Variants in IGF1 observed in about 807,000 individuals in gnomAD.
IGF1 encodes the protein insulin-like growth factor 1.
A neutral mutation model predicts 13.8 loss-of-function variants in IGF1; 4 were observed. That is an observed-to-expected ratio of 0.29 (90% CI 0.14 to 0.66). The LOEUF is 0.66. IGF1 is among the 30% of genes least tolerant of loss of function. The pLI is 0.78. For synonymous variants in IGF1, 76 were observed against 72.6 expected (o/e 1.05, Z -0.23); for missense variants, 124 against 188.5 (o/e 0.66, Z 2.00).
intron 3 of IGF1, among the ~76,000 whole-genome samples, chr12:102,406,171 A>G (rs901731405): frequency 6.6e-6 from 1 of 152,240 alleles, no homozygotes; most frequent in Non-Finnish European, 1.5e-5. Flanking sequence ...AGGCTGTCAC[A>G]TGTGACTTCT....
At chr12:102,423,259 GAAAAAAAAAAAAAA>G (rs138450873) in intron 2 of IGF1, 2 of 43,122 alleles carry the variant, frequency 4.6e-5, no homozygotes, top group African/African-American at 1.1e-4. Flanking sequence ...TCGATGCTAC[GAAAAAAAAAAAAAA>G]AAAAAAAAAA....
At chr12:102,465,601 T>G (rs1880241921) in intron 2 of IGF1, among the ~76,000 whole-genome samples, 1 of 152,192 alleles carries the variant, frequency 6.6e-6, no homozygotes. Flanking sequence ...ATTGAGTTTA[T>G]TTATTATGTG....
chr12:102,417,249 T>C (rs1056415371), intron 3 of IGF1, among the ~76,000 whole-genome samples: 1 of 152,184 alleles, frequency 6.6e-6, no homozygotes. Context: ...TCTCAAAAGT[T>C]ACCTCACAGA....
intron 2 of IGF1, among the ~76,000 whole-genome samples, chr12:102,446,015 G>A (rs1565988132): frequency 6.6e-6 from 1 of 152,172 alleles, no homozygotes; most frequent in Non-Finnish European, 1.5e-5. Flanking sequence ...CATTGGTTCT[G>A]TTTATGTGAT....
At chr12:102,453,428 C>T (rs1425215670) in intron 2 of IGF1, among the ~76,000 whole-genome samples, 1 of 152,180 alleles carries the variant, frequency 6.6e-6, no homozygotes, top group Non-Finnish European at 1.5e-5. Flanking sequence ...TATACTCAGG[C>T]AATGTTAATT....
chr12:102,475,777 G>A lies in IGF1; in HGVS notation c.86C>T (p.Ser29Phe), dbSNP rs867154929. The change falls in exon 2 of 4, where the codon TCC becomes TTC. Residue 29 changes from serine (S) to phenylalanine (F), a missense_variant. Coordinates refer to ENST00000337514, the MANE Select transcript of IGF1 (RefSeq NM_000618.5). ...FLKVKMHTMS[S>F]SHLFYLALCL... ...CAGCGCCAGGTAGAAGAGATGCGAG[G>A]AGGACATGGTGTGCATCTTCACCTG... 6.2e-7 allele frequency: 1 copy of A among 1,613,918 alleles called. No individual in the cohort carries two copies. Among genetic ancestry groups the A allele is most frequent in the South Asian group, 1.1e-5 (1 of 91,004 alleles).
chr12:102,461,348 C>G (rs1389064954), intron 2 of IGF1, among the ~76,000 whole-genome samples: 1 of 152,078 alleles, frequency 6.6e-6, no homozygotes, highest in Non-Finnish European at 1.5e-5. Flanking sequence ...CTTTGAAAAG[C>G]AGTTTTAAAG....
At chr12:102,455,080 G>A (rs1388599596) in intron 2 of IGF1, among the ~76,000 whole-genome samples, 1 of 152,224 alleles carries the variant, frequency 6.6e-6, no homozygotes, top group Non-Finnish European at 1.5e-5. Flanking sequence ...CCTGGGTTTT[G>A]ATTAAAGAGG....
intron 2 of IGF1, among the ~76,000 whole-genome samples, chr12:102,442,273 A>T (rs1449464731): frequency 6.6e-6 from 1 of 151,998 alleles, no homozygotes; most frequent in Non-Finnish European, 1.5e-5. Context: ...CTTGAGTAGA[A>T]TCTTCCTGCC....
intron 2 of IGF1, among the ~76,000 whole-genome samples, chr12:102,468,178 C>T (rs1880456100): frequency 1.3e-5 from 2 of 152,064 alleles, no homozygotes; most frequent in South Asian, 4.1e-4. Flanking sequence ...ATCTTTATTC[C>T]TGCAGAATGC....
chr12:102,457,198 C>T (rs140216779), intron 2 of IGF1, among the ~76,000 whole-genome samples: 36 of 152,316 alleles, frequency 2.4e-4, no homozygotes, highest in African/African-American at 8.2e-4. Flanking sequence ...TATACCCAGA[C>T]ATTCACTTAA....
intron 2 of IGF1, among the ~76,000 whole-genome samples, chr12:102,447,604 C>T (rs1878471581): frequency 6.6e-6 from 1 of 152,050 alleles, no homozygotes; most frequent in Non-Finnish European, 1.5e-5. Flanking sequence ...TATTTCGAGC[C>T]TATGTGCGTC....
chr12:102,398,408 A>C lies in IGF1; in HGVS notation c.*4099T>G, dbSNP rs958029910. 6.6e-6 allele frequency: 1 copy of C among 152,234 alleles called. No individual in the cohort carries two copies. The highest frequency in any genetic ancestry group is 1.5e-5 in the Non-Finnish European group (1 of 68,026). 9.4% of individuals were successfully genotyped at this position (152,234 alleles called of 1,614,324 possible). A position where few individuals can be genotyped will look rare whatever the true frequency, so the allele number is the denominator to read the frequency against. ...TTGTTCTTATTTTCTCCACTTGCTG[A>C]ATATCTGTTTTAGAGCAGAGTGCAC... is the stretch of plus-strand genomic sequence containing the variant. On this transcript the variant is annotated 3_prime_UTR_variant, in exon 4 of 4. Coordinates refer to ENST00000337514, the MANE Select transcript of IGF1 (RefSeq NM_000618.5).
chr12:102,419,090 AT>A (rs772631107), intron 3 of IGF1, among the ~76,000 whole-genome samples: 1 of 152,244 alleles, frequency 6.6e-6, no homozygotes, highest in African/African-American at 2.4e-5. Context: ...TGTGAAAAGC[AT>A]CTCAAAGTAT....
At position 102,469,124 on chromosome 12, in the gene IGF1, C is replaced by T. The variant is rs745327240; in HGVS notation, c.220+6519G>A. Among the ~76,000 whole-genome samples, 35 of 152,144 alleles carry T rather than the reference C, an allele frequency of 2.3e-4. 1 individual carries two copies. The highest frequency in any genetic ancestry group is 3.3e-4 in the Admixed American group (5 of 15,282). ...TCTTCAAACAGCTCGTTGAGTAATA[C>T]CAGCAAAGGTGGCGGTCTTGCATCC... is the stretch of plus-strand genomic sequence containing the variant. On this transcript the variant is annotated intron_variant, in intron 2 of 3. Transcript: ENST00000337514.
intron 3 of IGF1, among the ~76,000 whole-genome samples, chr12:102,404,143 G>T (rs1279671765): frequency 6.6e-6 from 1 of 152,124 alleles, no homozygotes; most frequent in African/African-American, 2.4e-5. Context: ...GGATGTAATG[G>T]ATAATTATTG....
intron 2 of IGF1, among the ~76,000 whole-genome samples, chr12:102,429,455 T>C (rs191813640): frequency 6.6e-6 from 1 of 152,142 alleles, no homozygotes; most frequent in Admixed American, 6.5e-5. Flanking sequence ...ATTGCACTCC[T>C]CCCAATCCCC....
intron 1 of IGF1, among the ~76,000 whole-genome samples, chr12:102,478,826 G>T (rs561206278): frequency 1.7e-4 from 26 of 152,016 alleles, no homozygotes; most frequent in Non-Finnish European, 2.9e-4. Flanking sequence ...CCCTTCCCCC[G>T]ACTCACTCAC....
chr12:102,431,503 AC>A (rs1876735989), intron 2 of IGF1, among the ~76,000 whole-genome samples: 1 of 152,192 alleles, frequency 6.6e-6, no homozygotes, highest in Admixed American at 6.5e-5. Context: ...TGCAGTATCT[AC>A]ATGGAGGCAG....
Sources: gnomAD v4.1 joint callset for allele counts (sites outside exome capture counted in the v4.1 genomes callset) on GRCh38, gnomAD v4.1.1 for gene constraint, MANE v1.5 for transcripts, NCBI Gene and HGNC (gene_info 2026-07-23, HGNC 2026-07-21) for gene names.